ANKRD62: variants seen among roughly 807,000 people sequenced by gnomAD.
ANKRD62 encodes ankyrin repeat domain-containing protein 62.
A neutral mutation model predicts 98.8 loss-of-function variants in ANKRD62; 61 were observed. The ratio of observed to expected loss-of-function variants is 0.62; its 90% CI spans 0.50 to 0.76. The LOEUF is 0.76. Ranked by LOEUF, ANKRD62 falls within the 30% of genes least tolerant of loss-of-function variation. The pLI is 0.00. For synonymous variants in ANKRD62, 341 were observed against 367.9 expected (o/e 0.93, Z 0.84); for missense variants, 933 against 1,082.9 (o/e 0.86, Z 1.94).
chr18:12,093,889 G>A lies in ANKRD62; in HGVS notation c.-129G>A, dbSNP rs960193546. The stretch of plus-strand genomic sequence containing the variant: ...CCTCCGAGCAGCTGGAGACTGGAGT[G>A]TCCCTGACGGAGGTTGCGGCTGGAC... On this transcript the variant is annotated 5_prime_UTR_variant, in exon 1 of 14. Coordinates refer to ENST00000587848, the MANE Select transcript of ANKRD62 (RefSeq NM_001277333.2). 2 of 815,532 alleles carry A rather than the reference G, an allele frequency of 2.5e-6. No homozygotes were observed. The highest frequency in any genetic ancestry group is 2.1e-5 in the Admixed American group (1 of 47,652). 50.5% of individuals were successfully genotyped at this position (815,532 alleles called of 1,614,324 possible).
downstream of ANKRD62, among the ~76,000 whole-genome samples, chr18:12,133,639 C>G (rs1005004004): frequency 6.6e-6 from 1 of 152,052 alleles, no homozygotes; most frequent in Non-Finnish European, 1.5e-5. Flanking sequence ...TGTTGACCAT[C>G]CTTTCATGTG....
At chr18:12,157,878 T>G in the ANKRD62 span, among the ~76,000 whole-genome samples, 1 of 152,220 alleles carries the variant, frequency 6.6e-6, no homozygotes, top group Admixed American at 6.5e-5. Flanking sequence ...TGGCCAGGGA[T>G]GTCAACAGAC....
chr18:12,097,751 C>G lies in ANKRD62; in HGVS notation c.726C>G (p.Asp242Glu), dbSNP rs2143893977. 6.5e-7 allele frequency: 1 copy of G among 1,535,818 alleles called. No homozygotes were observed. The highest frequency in any genetic ancestry group is 1.4e-5 in the African/African-American group (1 of 73,142). Residue 242 changes from aspartate (D) to glutamate (E), a missense_variant, in exon 5 of 14, where the codon GAC becomes GAG. Physicochemically the swap from Asp to Glu is conservative, Grantham distance 45. Transcript: ENST00000587848. ...CQDISGWTAE[D>E]YAVASKFQAI... ...ATATATCTGGATGGACTGCAGAAGACTACGCTGTTGCTTCTAAGTTTCAAG... is the reference window on the plus strand; with the variant it reads ...ATATATCTGGATGGACTGCAGAAGAGTACGCTGTTGCTTCTAAGTTTCAAG...
the ANKRD62 span, among the ~76,000 whole-genome samples, chr18:12,175,714 T>G: frequency 1.3e-5 from 2 of 151,910 alleles, no homozygotes; most frequent in African/African-American, 4.9e-5. Flanking sequence ...AATAATTTAT[T>G]TTCCTGAAAA....
intron 10 of ANKRD62, among the ~76,000 whole-genome samples, chr18:12,118,477 C>T (rs571129536): frequency 6.6e-6 from 1 of 151,866 alleles, no homozygotes; most frequent in East Asian, 1.9e-4. Flanking sequence ...GGTGTGGTGG[C>T]GGGCGCCTGT....
At chr18:12,171,461 T>G in the ANKRD62 span, among the ~76,000 whole-genome samples, 4 of 152,224 alleles carry the variant, frequency 2.6e-5, no homozygotes, top group Non-Finnish European at 5.9e-5. Context: ...CGTTGAATAT[T>G]GGCCCCCACT....
intron 6 of ANKRD62, among the ~76,000 whole-genome samples, chr18:12,101,347 G>A (rs1909295949): frequency 6.6e-6 from 1 of 152,200 alleles, no homozygotes; most frequent in East Asian, 1.9e-4. Flanking sequence ...TTGAGTCTCA[G>A]TTTAGAATTT....
At chr18:12,167,618 G>C in the ANKRD62 span, among the ~76,000 whole-genome samples, 1 of 152,056 alleles carries the variant, frequency 6.6e-6, no homozygotes, top group African/African-American at 2.4e-5. Flanking sequence ...GTCTTTATAG[G>C]AACATGATTT....
At chr18:12,172,689 A>G in the ANKRD62 span, among the ~76,000 whole-genome samples, 37 of 152,172 alleles carry the variant, frequency 2.4e-4, no homozygotes, top group Admixed American at 2.3e-3. Flanking sequence ...TTGTTCAGCT[A>G]TGCTCTGTCC....
the ANKRD62 span, among the ~76,000 whole-genome samples, chr18:12,144,911 A>G: frequency 7.6e-6 from 1 of 132,076 alleles, no homozygotes; most frequent in Non-Finnish European, 1.6e-5. Context: ...TGGGAGGCCG[A>G]GGAGGGCGGA....
chr18:12,127,511 C>G (rs957219878), intron 13 of ANKRD62, among the ~76,000 whole-genome samples: 1 of 152,192 alleles, frequency 6.6e-6, no homozygotes, highest in Non-Finnish European at 1.5e-5. Flanking sequence ...ATTGCACATT[C>G]ATCAGTGCGC....
At chr18:12,169,728 C>T in the ANKRD62 span, among the ~76,000 whole-genome samples, 1 of 152,080 alleles carries the variant, frequency 6.6e-6, no homozygotes, top group Non-Finnish European at 1.5e-5. Flanking sequence ...CTTTTTGTAC[C>T]TCTGGTAGAA....
intron 3 of ANKRD62, 51 bp from the exon 4 acceptor site, chr18:12,096,145 T>G: frequency 8.1e-7 from 1 of 1,230,606 alleles, no homozygotes; most frequent in Non-Finnish European, 1.1e-6. Context: ...TTCAGTTCAG[T>G]TGGGAAGTAT....
the ANKRD62 span, among the ~76,000 whole-genome samples, chr18:12,166,226 C>A: frequency 6.6e-6 from 1 of 152,094 alleles, no homozygotes; most frequent in Non-Finnish European, 1.5e-5. Context: ...AATAAACTTT[C>A]TACCCTATCT....
the ANKRD62 span, among the ~76,000 whole-genome samples, chr18:12,140,533 T>C: frequency 6.6e-6 from 1 of 152,324 alleles, no homozygotes; most frequent in East Asian, 1.9e-4. Context: ...TTGGTGTAGA[T>C]GTCCTTTCTG....
intron 6 of ANKRD62, chr18:12,102,175 A>G: frequency 1.1e-6 from 1 of 949,062 alleles, no homozygotes; most frequent in Non-Finnish European, 1.7e-6. Flanking sequence ...ATGAAGAGTG[A>G]GGGTTGCAGC....
At chr18:12,137,982 T>C in the ANKRD62 span, among the ~76,000 whole-genome samples, 5 of 152,282 alleles carry the variant, frequency 3.3e-5, no homozygotes, top group South Asian at 4.1e-4. Context: ...TTTGTTGATC[T>C]TTTCAAAAAA....
chr18:12,114,927 A>T lies in ANKRD62; in HGVS notation c.1065-161A>T, dbSNP rs923618605. ...ATTTAGTTTTTCCCCTTGTAAAAAAAATTGTATTTTGCATCACCTGTAAAA... is the reference window on the plus strand; with the variant it reads ...ATTTAGTTTTTCCCCTTGTAAAAAATATTGTATTTTGCATCACCTGTAAAA... On this transcript the variant is annotated intron_variant, in intron 8 of 13. Transcript: ENST00000587848. 2.6e-5 allele frequency among the ~76,000 whole-genome samples: 4 copies of T among 152,278 alleles called. No individual in the cohort carries two copies. The East Asian group carries it at 7.7e-4, about 29-fold the overall frequency.
intron 1 of ANKRD62, 44 bp downstream of exon 1, chr18:12,094,279 G>A (rs1232844134): frequency 3.4e-6 from 5 of 1,463,016 alleles, no homozygotes; most frequent in Non-Finnish European, 4.5e-6. Flanking sequence ...GGATATGGGA[G>A]AAGCCCCTGT....
Sources: allele counts gnomAD v4.1 joint callset (sites outside exome capture counted in the v4.1 genomes callset), GRCh38; gene constraint gnomAD v4.1.1; transcripts MANE v1.5; gene names NCBI Gene and HGNC (gene_info 2026-07-23, HGNC 2026-07-21).